ACTA2: variants seen among roughly 807,000 people sequenced by gnomAD.
ACTA2 encodes the protein actin, aortic smooth muscle.
In ACTA2, 12 loss-of-function variants were observed where a neutral mutation model predicts 39.5. That is an observed-to-expected ratio of 0.30 (90% CI 0.19 to 0.49). ACTA2 has a LOEUF of 0.49. ACTA2 is among the 20% of genes least tolerant of loss of function. The pLI is 0.99. For synonymous variants in ACTA2, 158 were observed against 180.6 expected (o/e 0.88, Z 1.00); for missense variants, 236 against 498.8 (o/e 0.47, Z 5.02).
chr10:88,991,310 G>GAC (rs1367385098), exon 1 of ACTA2: 1 of 362,182 alleles, frequency 2.8e-6, no homozygotes, highest in African/African-American at 2.1e-5. Flanking sequence ...GGAACTCCTG[G>GAC]ACAAGCCCTG....
chr10:88,942,817 G>T (rs1427889225), intron 4 of ACTA2, among the ~76,000 whole-genome samples: 2 of 152,030 alleles, frequency 1.3e-5, no homozygotes, highest in Non-Finnish European at 2.9e-5. Flanking sequence ...GCGACGTGCA[G>T]TGATTCCCAG....
chr10:88,989,588 A>G (rs747453251), intron 1 of ACTA2: 1 of 539,564 alleles, frequency 1.9e-6, no homozygotes, highest in Non-Finnish European at 3.7e-6. Flanking sequence ...TGGTAAGTGC[A>G]GTGACAGATG....
At chr10:88,962,439 T>G (rs878960826) in intron 1 of ACTA2, among the ~76,000 whole-genome samples, 3 of 152,044 alleles carry the variant, frequency 2.0e-5, no homozygotes, top group Non-Finnish European at 4.4e-5. Context: ...GATTAGTGGT[T>G]TAAAAAAAGA....
chr10:88,972,244 A>G (rs1846463673), intron 1 of ACTA2, among the ~76,000 whole-genome samples: 1 of 152,174 alleles, frequency 6.6e-6, no homozygotes, highest in Non-Finnish European at 1.5e-5. Flanking sequence ...AAATGAAATG[A>G]AACAAGGTCC....
At chr10:88,939,739 T>A (rs1472516910) in intron 6 of ACTA2, 41 bp from the exon 7 acceptor site, 9 of 1,609,134 alleles carry the variant, frequency 5.6e-6, no homozygotes, top group Non-Finnish European at 6.8e-6. Flanking sequence ...CATTAGGGTC[T>A]GCACAGGTGG....
chr10:88,951,364 C>T (rs1846046166), intron 1 of ACTA2, among the ~76,000 whole-genome samples: 1 of 152,018 alleles, frequency 6.6e-6, no homozygotes, highest in South Asian at 2.1e-4. Flanking sequence ...GGTATGGTTA[C>T]CATGAATGCT....
intron 1 of ACTA2, among the ~76,000 whole-genome samples, chr10:88,984,497 T>C (rs904268466): frequency 6.6e-6 from 1 of 152,252 alleles, no homozygotes; most frequent in Non-Finnish European, 1.5e-5. Flanking sequence ...CCAAATGTGA[T>C]TCTGCATTTA....
intron 1 of ACTA2, among the ~76,000 whole-genome samples, chr10:88,982,302 T>G (rs1846730141): frequency 6.6e-6 from 1 of 152,234 alleles, no homozygotes; most frequent in Non-Finnish European, 1.5e-5. Context: ...CTAAGTGATC[T>G]AAATGAAGAG....
At chr10:88,951,479 A>G (rs984525684) in intron 1 of ACTA2, among the ~76,000 whole-genome samples, 10 of 150,664 alleles carry the variant, frequency 6.6e-5, no homozygotes, top group African/African-American at 2.5e-4. Context: ...AAGAATGCAG[A>G]AAAATGTTTT....
At chr10:88,948,755 G>A (rs757655149) in intron 2 of ACTA2, 47 bp downstream of exon 2, 1 of 1,612,050 alleles carries the variant, frequency 6.2e-7, no homozygotes, top group South Asian at 1.1e-5. Context: ...TGAACACAGA[G>A]GAACCTAATC....
At chr10:88,939,806 T>A in intron 6 of ACTA2, 108 bp from the exon 7 acceptor site, 2 of 1,188,262 alleles carry the variant, frequency 1.7e-6, no homozygotes, top group Non-Finnish European at 2.4e-6. Context: ...CATCAAAAAA[T>A]GTGTCAGTTC....
At chr10:88,938,514 A>C in intron 7 of ACTA2, 2 of 437,666 alleles carry the variant, frequency 4.6e-6, no homozygotes, top group Non-Finnish European at 8.5e-6. Flanking sequence ...TACTCACTCC[A>C]TGTGGTTTAA....
At chr10:88,937,423 C>T (rs1845762832) in intron 8 of ACTA2, among the ~76,000 whole-genome samples, 1 of 152,166 alleles carries the variant, frequency 6.6e-6, no homozygotes, top group Admixed American at 6.5e-5. Context: ...GTTAAGTTTG[C>T]CTCCAAAGAA....
chr10:88,970,449 G>T (rs1482504010), intron 1 of ACTA2, among the ~76,000 whole-genome samples: 2 of 152,156 alleles, frequency 1.3e-5, no homozygotes, highest in Non-Finnish European at 2.9e-5. Context: ...GCTTGTTGAG[G>T]AGGGCGTTCA....
intron 1 of ACTA2, among the ~76,000 whole-genome samples, chr10:88,983,353 C>T (rs937983725): frequency 2.0e-5 from 3 of 151,980 alleles, no homozygotes; most frequent in African/African-American, 2.4e-5. Flanking sequence ...TTTAATCAAC[C>T]GGAAACCATG....
chr10:88,972,251 G>A (rs1300980262), intron 1 of ACTA2, among the ~76,000 whole-genome samples: 1 of 152,080 alleles, frequency 6.6e-6, no homozygotes, highest in Non-Finnish European at 1.5e-5. Context: ...ATGAAACAAG[G>A]TCCTCAATTG....
At chr10:88,965,094 T>C (rs896412077) in intron 1 of ACTA2, among the ~76,000 whole-genome samples, 1 of 152,206 alleles carries the variant, frequency 6.6e-6, no homozygotes, top group Non-Finnish European at 1.5e-5. Context: ...TCAAAATTCA[T>C]CTACAGCAAA....
At chr10:88,964,127 G>C (rs895742691) in intron 1 of ACTA2, among the ~76,000 whole-genome samples, 10 of 151,578 alleles carry the variant, frequency 6.6e-5, no homozygotes, top group African/African-American at 1.9e-4. Context: ...ATTTACTTTA[G>C]TTTAATATAT....
chr10:88,968,376 A>T (rs1240084712), intron 1 of ACTA2, among the ~76,000 whole-genome samples: 2 of 152,108 alleles, frequency 1.3e-5, no homozygotes, highest in Non-Finnish European at 2.9e-5. Context: ...AGGGTTTTTG[A>T]TCATCTTGGG....
Sources: allele counts gnomAD v4.1 joint callset (sites outside exome capture counted in the v4.1 genomes callset), GRCh38; gene constraint gnomAD v4.1.1; transcripts MANE v1.5; gene names NCBI Gene and HGNC (gene_info 2026-07-23, HGNC 2026-07-21).